Variants in MPV17L2 observed in about 807,000 individuals in gnomAD.
MPV17L2 encodes the protein mpv17-like protein 2.
MPV17L2 carries 25 observed loss-of-function variants against 24.2 expected under a neutral mutation model. The ratio of observed to expected loss-of-function variants is 1.03; its 90% CI spans 0.75 to 1.44. MPV17L2 has a LOEUF of 1.44. MPV17L2 is among the 40% of genes most tolerant of loss of function. MPV17L2 has a pLI of 0.00. For missense variants in MPV17L2, 271 were observed against 276.2 expected (o/e 0.98, Z 0.13); for synonymous variants, 130 against 121.4 (o/e 1.07, Z -0.46).
rs1415603149 is a variant in MPV17L2, at chr19:18,193,842, C to T, written c.188-22C>T. 2.7e-5 allele frequency: 43 copies of T among 1,611,114 alleles called. No homozygotes were observed. The Admixed American group carries it at 7.0e-4, about 26-fold the overall frequency. On this transcript the variant is annotated intron_variant, in intron 1 of 4. Transcript: ENST00000599612. Reference sequence around the variant, plus strand: ...GAGGAACTTGCCGGCCCGACCCAGCCCCCTGACTTACACTCTTATAGCGAG... The same window carrying T: ...GAGGAACTTGCCGGCCCGACCCAGCTCCCTGACTTACACTCTTATAGCGAG...
At chr19:18,193,670 G>C in intron 1 of MPV17L2, 194 bp from the exon 2 acceptor site, 1 of 1,430,470 alleles carries the variant, frequency 7.0e-7, no homozygotes, top group South Asian at 1.5e-5. Flanking sequence ...CCACTACCCA[G>C]GAGCCTCTGG....
intron 4 of MPV17L2, among the ~76,000 whole-genome samples, chr19:18,195,517 CAG>C (rs1440851360): frequency 6.7e-6 from 1 of 149,738 alleles, no homozygotes; most frequent in East Asian, 2.0e-4. Context: ...GCCTAGGTGA[CAG>C]AGCGAGACTC....
At position 18,193,947 on chromosome 19, in the gene MPV17L2, G is replaced by A. The variant is rs1329242591; in HGVS notation, c.271G>A (p.Gly91Ser). 1 of 1,614,116 alleles carries A rather than the reference G, an allele frequency of 6.2e-7. No homozygotes were observed. Among genetic ancestry groups the A allele is most frequent in the Admixed American group, 1.7e-5 (1 of 60,010 alleles). ...GCTGGACCGCCTATTCCCTGCGTCT[G>A]GCCTCCGAGGCTTCCCAAATGTCCT... Reference protein sequence around the residue: ...LSLDRLFPASGLRGFPNVLKK... With the variant: ...LSLDRLFPASSLRGFPNVLKK... The change falls in exon 2 of 5, where the codon GGC becomes AGC. Residue 91 changes from glycine to serine, a missense_variant. Transcript: ENST00000599612.
Position 18,195,038 on chromosome 19 carries a change from C to G in MPV17L2, c.516C>G (p.Asn172Lys), listed in dbSNP as rs1237159954. ...CCCAATTTCGAGTCACCTACATCAA[C>G]GGCCTGACGCTGGGCTGGGACACGT... ...VPPQFRVTYINGLTLGWDTYL... is the reference protein window; with the variant it reads ...VPPQFRVTYIKGLTLGWDTYL... Residue 172 changes from asparagine to lysine, a missense_variant, in exon 4 of 5, where the codon AAC (asparagine) becomes AAG (lysine). Asn to Lys is a moderately conservative substitution (Grantham distance 94). Coordinates refer to ENST00000599612, the MANE Select transcript of MPV17L2 (RefSeq NM_032683.3). 5.0e-6 allele frequency: 8 copies of G among 1,614,172 alleles called. No homozygotes were observed. Among genetic ancestry groups the G allele is most frequent in the Non-Finnish European group, 6.8e-6 (8 of 1,180,012 alleles).
rs200638615 is a variant in MPV17L2, at chr19:18,193,861, T to G, written c.188-3T>G. ...CCCAGCCCCCTGACTTACACTCTTATAGCGAGCATGTTTGCGGTGGGCTGC... is the reference window on the plus strand; with the variant it reads ...CCCAGCCCCCTGACTTACACTCTTAGAGCGAGCATGTTTGCGGTGGGCTGC... On this transcript the variant is annotated splice_polypyrimidine_tract_variant and splice_region_variant and intron_variant, in intron 1 of 4. Coordinates refer to ENST00000599612, the MANE Select transcript of MPV17L2 (RefSeq NM_032683.3). 1.9e-6 allele frequency: 3 copies of G among 1,614,106 alleles called. No individual in the cohort carries two copies. In the South Asian group the frequency reaches 3.3e-5, roughly 18 times the overall value.
Position 18,196,576 on chromosome 19 carries a change from T to C in MPV17L2, c.*521T>C, listed in dbSNP as rs1483151751. 2 of 594,880 alleles carry C rather than the reference T, an allele frequency of 3.4e-6. No individual in the cohort carries two copies. Among genetic ancestry groups the C allele is most frequent in the African/African-American group, 2.0e-5 (1 of 50,932 alleles). The allele number at this position is 594,880 out of a possible 1,614,324, so 36.9% of individuals were successfully genotyped here. On this transcript the variant is annotated 3_prime_UTR_variant, in exon 5 of 5. Transcript: ENST00000599612. The stretch of plus-strand genomic sequence containing the variant: ...AAATGCCATTAAACTCTCTCTATAA[T>C]GTAACTGAAACTGCTGGCTGGGCGC...
rs1205780313 is a variant in MPV17L2 at position 18,196,077 on chromosome 19, A to C, written c.*22A>C. ...CTGAACTGTCTGCTTCCTGGACCAG[A>C]TGCAAGACTGTCTCCTGGCGGACCA... On this transcript the variant is annotated 3_prime_UTR_variant, in exon 5 of 5. Transcript: ENST00000599612. 7.4e-6 allele frequency: 12 copies of C among 1,613,928 alleles called. No individual in the cohort carries two copies. The highest frequency in any genetic ancestry group is 1.0e-5 in the Non-Finnish European group (12 of 1,179,984).
In MPV17L2 at chr19:18,196,936, A is replaced by ACC. The variant is rs1967533789; in HGVS notation, c.*883_*884dup. ...GGGGGGGGGTCCCAGGGTGGTGAAT[A>ACC]CCCACAGCACACCCCCCCACCAAAA... On this transcript the variant is annotated 3_prime_UTR_variant, in exon 5 of 5. Transcript: ENST00000599612. 7.0e-6 allele frequency: 1 copy of ACC among 142,724 alleles called. No individual in the cohort carries two copies. The highest frequency in any genetic ancestry group is 3.0e-5 in the African/African-American group (1 of 32,884). The allele number at this position is 142,724 out of a possible 1,614,324, so 8.8% of individuals were successfully genotyped here.
In MPV17L2 at chr19:18,196,563, ACT is replaced by A. The variant is rs1191621252; in HGVS notation, c.*515_*516del. On this transcript the variant is annotated 3_prime_UTR_variant, in exon 5 of 5. Coordinates refer to ENST00000599612, the MANE Select transcript of MPV17L2 (RefSeq NM_032683.3). ...TCCTGAACTGTGGAAATGCCATTAA[ACT>A]CTCTCTATAATGTAACTGAAACTGC... The A allele has an allele frequency of 2.1e-5, 14 of 663,866 alleles. No individual in the cohort carries two copies. In the East Asian group the frequency reaches 5.3e-4, roughly 25 times the overall value. The allele number at this position is 663,866 out of a possible 1,614,324, so 41.1% of individuals were successfully genotyped here.
Position 18,193,262 on chromosome 19 carries a change from T to A in MPV17L2, c.-20T>A, listed in dbSNP as rs1252826132. On this transcript the variant is annotated 5_prime_UTR_variant, in exon 1 of 5. Coordinates refer to ENST00000599612, the MANE Select transcript of MPV17L2 (RefSeq NM_032683.3). ...CGGCGAAAGCAGAGCGGCGCGCCGG[T>A]TCCTTGGTTCCTGAGGGCGATGGCG... 6.8e-7 allele frequency: 1 copy of A among 1,474,870 alleles called. No homozygotes were observed. Among genetic ancestry groups the A allele is most frequent in the Non-Finnish European group, 8.9e-7 (1 of 1,119,426 alleles). 91.4% of individuals were successfully genotyped at this position (1,474,870 alleles called of 1,614,324 possible).
Position 18,194,852 on chromosome 19 carries a change from AG to A in MPV17L2, c.435+1del, listed in dbSNP as rs1333548657. On this transcript the variant is annotated frameshift_variant and splice_region_variant, in exon 3 of 5. Transcript: ENST00000599612. LOFTEE classifies it high-confidence loss of function. ...CGGGAGAAGTTCTGGGAATTCTACAAGGTGGGAGCACCCGCCCCTTGCACAT... is the reference window on the plus strand; with the variant it reads ...CGGGAGAAGTTCTGGGAATTCTACAAGTGGGAGCACCCGCCCCTTGCACAT... ...ELREKFWEFYKADWCVWPAAQ... is the reference protein window; with the variant it reads ...ELREKFWEFYXADWCVWPAAQ... 1.2e-6 allele frequency: 2 copies of A among 1,603,004 alleles called. No homozygotes were observed. The highest frequency in any genetic ancestry group is 1.7e-6 in the Non-Finnish European group (2 of 1,175,814).
At chr19:18,194,249 C>T in intron 2 of MPV17L2, 1 of 579,818 alleles carries the variant, frequency 1.7e-6, no homozygotes, top group South Asian at 2.2e-5. Context: ...GTTGGGGCTG[C>T]CCTGGGCGGG....
intron 2 of MPV17L2, 112 bp from the exon 3 acceptor site, chr19:18,194,665 G>C (rs1967478458): frequency 1.1e-6 from 1 of 882,734 alleles, no homozygotes. Flanking sequence ...CCCGGGGTGG[G>C]CGGCGTGGGC....
rs887936411 is a variant in MPV17L2 at position 18,196,840 on chromosome 19, A to C, written c.*785A>C. The C allele has an allele frequency of 8.8e-6, 2 of 226,556 alleles. No homozygotes were observed. Among genetic ancestry groups the C allele is most frequent in the Admixed American group, 1.2e-4 (2 of 17,272 alleles). The allele number at this position is 226,556 out of a possible 1,614,324, so 14.0% of individuals were successfully genotyped here. A position where few individuals can be genotyped will look rare whatever the true frequency, so the allele number is the denominator to read the frequency against. ...TTTATTGGGTGCGTGTAGTGTTGTC[A>C]TGACATCTCCTAAGGAACTGGGGGG... is the stretch of plus-strand genomic sequence containing the variant. On this transcript the variant is annotated 3_prime_UTR_variant, in exon 5 of 5. Coordinates refer to ENST00000599612, the MANE Select transcript of MPV17L2 (RefSeq NM_032683.3).
intron 1 of MPV17L2, 170 bp from the exon 2 acceptor site, chr19:18,193,694 G>T: frequency 7.0e-7 from 1 of 1,437,114 alleles, no homozygotes; most frequent in South Asian, 1.5e-5. Context: ...CGCGCCTCCT[G>T]GTGGGGCTTG....
At position 18,196,210 on chromosome 19, in the gene MPV17L2, C is replaced by G; in HGVS notation, c.*155C>G. The G allele has an allele frequency of 6.5e-7, 1 of 1,536,932 alleles. No homozygotes were observed. Among genetic ancestry groups the G allele is most frequent in the African/African-American group, 1.4e-5 (1 of 73,282 alleles). Reference sequence around the variant, plus strand: ...ATTGGGCTGAGCCGCCCTTTCCAAGCTCACTTCTGGGACTGAGTTTCCTCA... The same window carrying G: ...ATTGGGCTGAGCCGCCCTTTCCAAGGTCACTTCTGGGACTGAGTTTCCTCA... On this transcript the variant is annotated 3_prime_UTR_variant, in exon 5 of 5. Transcript: ENST00000599612.
In MPV17L2 at chr19:18,195,039, G is replaced by T. The variant is rs772772653; in HGVS notation, c.517G>T (p.Gly173Cys). Residue 173 changes from glycine to cysteine, a missense_variant, in exon 4 of 5, where the codon GGC becomes TGC. Coordinates refer to ENST00000599612, the MANE Select transcript of MPV17L2 (RefSeq NM_032683.3). ...CCAATTTCGAGTCACCTACATCAAC[G>T]GCCTGACGCTGGGCTGGGACACGTA... ...PPQFRVTYINGLTLGWDTYLS... is the reference protein window; with the variant it reads ...PPQFRVTYINCLTLGWDTYLS... The T allele has an allele frequency of 6.2e-7, 1 of 1,614,034 alleles. No homozygotes were observed. The highest frequency in any genetic ancestry group is 1.3e-5 in the African/African-American group (1 of 74,992).
Position 18,194,020 on chromosome 19 carries a change from T to C in MPV17L2, c.344T>C (p.Val115Ala), listed in dbSNP as rs1356667418. ...CTGGTAGCCTCTCCATTGCTGGGCG[T>C]CTGGTACTTCTTGGGTAAGGAGCCT... Reference protein sequence around the residue: ...DQLVASPLLGVWYFLGLGCLE... With the variant: ...DQLVASPLLGAWYFLGLGCLE... The change falls in exon 2 of 5, where the codon GTC becomes GCC. Residue 115 changes from valine (V) to alanine (A), a missense_variant. Physicochemically the swap from Val to Ala is moderately conservative, Grantham distance 64 (BLOSUM62 0). Coordinates refer to ENST00000599612, the MANE Select transcript of MPV17L2 (RefSeq NM_032683.3). The C allele has an allele frequency of 1.2e-6, 2 of 1,614,068 alleles. No homozygotes were observed. The highest frequency in any genetic ancestry group is 1.7e-6 in the Non-Finnish European group (2 of 1,179,972).
In MPV17L2 at chr19:18,196,677, C is replaced by T; in HGVS notation, c.*622C>T. 2.9e-6 allele frequency: 1 copy of T among 344,592 alleles called. No homozygotes were observed. The highest frequency in any genetic ancestry group is 5.7e-6 in the Non-Finnish European group (1 of 174,040). The allele number at this position is 344,592 out of a possible 1,614,324, so 21.3% of individuals were successfully genotyped here. A position where few individuals can be genotyped will look rare whatever the true frequency, so the allele number is the denominator to read the frequency against. ...TTGCTCGAGGCCAGGTGTTCGAGAC[C>T]AGCCTGGGCAACATAGCAAGACCCT... On this transcript the variant is annotated 3_prime_UTR_variant, in exon 5 of 5. Coordinates refer to ENST00000599612, the MANE Select transcript of MPV17L2 (RefSeq NM_032683.3).
Sources: allele counts gnomAD v4.1 joint callset (sites outside exome capture counted in the v4.1 genomes callset), GRCh38; gene constraint gnomAD v4.1.1; transcripts MANE v1.5; gene names NCBI Gene and HGNC (gene_info 2026-07-23, HGNC 2026-07-21).